KDM1B: variants seen among roughly 807,000 people sequenced by gnomAD.
KDM1B encodes lysine demethylase 1B, also known as lysine-specific histone demethylase 2.
KDM1B carries 63 observed loss-of-function variants against 107.4 expected under a neutral mutation model. The ratio of observed to expected loss-of-function variants is 0.59; its 90% CI spans 0.48 to 0.72. The LOEUF is 0.72. Among genes scored for constraint, KDM1B ranks in the 30% least tolerant of loss-of-function variants. KDM1B has a pLI of 0.00. For synonymous variants in KDM1B, 363 were observed against 363.9 expected (o/e 1.00, Z 0.03); for missense variants, 749 against 1,020.8 (o/e 0.73, Z 3.63).
In KDM1B at chr6:18,214,463, C is replaced by T. The variant is rs180824580; in HGVS notation, c.2110-544C>T. ...TTAATTAGTGAACAGCCAAGGGAACCTTAAAGTTGCTATTTACATTTCTTA... is the reference window on the plus strand; with the variant it reads ...TTAATTAGTGAACAGCCAAGGGAACTTTAAAGTTGCTATTTACATTTCTTA... On this transcript the variant is annotated intron_variant, in intron 19 of 21. Transcript: ENST00000650836. This position sits in a 1 kb window ranked among gnomAD's most constrained non-coding sequence, Gnocchi z 4.4. Among the ~76,000 whole-genome samples, 117 of 152,282 alleles carry T rather than the reference C, an allele frequency of 7.7e-4. 2 individuals carry two copies. Among genetic ancestry groups the T allele is most frequent in the Admixed American group, 5.2e-3 (79 of 15,292 alleles).
intron 3 of KDM1B, among the ~76,000 whole-genome samples, chr6:18,161,050 C>T (rs2150761380): frequency 6.6e-6 from 1 of 152,112 alleles, no homozygotes; most frequent in East Asian, 1.9e-4. Context: ...CCACCACACC[C>T]AGCTGATGTC....
Position 18,201,587 on chromosome 6 carries a change from TAA to T in KDM1B, c.1462_1463del (p.Asn488CysfsTer8). The T allele has an allele frequency of 6.4e-7, 1 of 1,550,602 alleles. No homozygotes were observed. Among genetic ancestry groups the T allele is most frequent in the Non-Finnish European group, 8.7e-7 (1 of 1,146,808 alleles). On this transcript the variant is annotated frameshift_variant, in exon 14 of 22. Coordinates refer to ENST00000650836, the MANE Select transcript of KDM1B (RefSeq NM_001364614.2). LOFTEE classifies it high-confidence loss of function. The surrounding 1 kb of genome is among the most constrained non-coding windows in gnomAD (Gnocchi z 4.3). ...TTGACAAGCGCATGGATTTTCATTT[TAA>T]TGCTCTCTTGGATGTTGTCTCTGAG... ...TIDKRMDFHFNALLDVVSEWR... is the reference protein window; with the variant it reads ...TIDKRMDFHFXALLDVVSEWR...
At chr6:18,221,768 T>TA in intron 21 of KDM1B, 141 bp from the exon 22 acceptor site, 1 of 673,844 alleles carries the variant, frequency 1.5e-6, no homozygotes, top group Non-Finnish European at 2.6e-6. Context: ...GTTCCAGTGT[T>TA]ACGATGGGTG....
intron 7 of KDM1B, among the ~76,000 whole-genome samples, chr6:18,182,168 CTTAG>C (rs926288902): frequency 1.3e-5 from 2 of 152,048 alleles, no homozygotes; most frequent in African/African-American, 2.4e-5. Context: ...CTCACCTCAC[CTTAG>C]TTAAAGCCTT....
chr6:18,220,896 T>C (rs1789661186), intron 21 of KDM1B, among the ~76,000 whole-genome samples: 1 of 151,840 alleles, frequency 6.6e-6, no homozygotes, highest in Non-Finnish European at 1.5e-5. Flanking sequence ...AGCTGGTGTG[T>C]GCCACTGTGC....
chr6:18,219,643 G>A (rs1038553903), intron 21 of KDM1B, among the ~76,000 whole-genome samples: 3 of 152,148 alleles, frequency 2.0e-5, no homozygotes, highest in African/African-American at 4.8e-5. Context: ...CAGTCTCAGA[G>A]TTCTTATTTT....
intron 21 of KDM1B, among the ~76,000 whole-genome samples, chr6:18,221,527 A>G (rs966309991): frequency 1.3e-5 from 2 of 152,062 alleles, no homozygotes; most frequent in Non-Finnish European, 2.9e-5. Flanking sequence ...TTTTTTACCC[A>G]TCTAGCAAAA....
intron 20 of KDM1B, among the ~76,000 whole-genome samples, chr6:18,215,658 G>A (rs1442835997): frequency 6.6e-6 from 1 of 152,086 alleles, no homozygotes; most frequent in Non-Finnish European, 1.5e-5. Flanking sequence ...GGGAGACACG[G>A]TTCTGCCTGT....
At chr6:18,216,898 A>G (rs73366536) in intron 20 of KDM1B, among the ~76,000 whole-genome samples, 3,787 of 152,316 alleles carry the variant, frequency 0.025, 157 homozygotes, top group African/African-American at 0.086. Flanking sequence ...GGTCCTATCC[A>G]TGGTTTCAGG....
rs1430632132 is a variant in KDM1B at position 18,213,590 on chromosome 6, C to CTT, written c.1984-65_1984-64dup. 6.3e-7 allele frequency: 1 copy of CTT among 1,576,662 alleles called. No homozygotes were observed. Among genetic ancestry groups the CTT allele is most frequent in the East Asian group, 2.2e-5 (1 of 44,556 alleles). ...TTTAGAGTAGAGCTACAGGTTGCTG[C>CTT]TTAGATATTGCCTGTGGTTTTGTGA... On this transcript the variant is annotated intron_variant, in intron 18 of 21. Coordinates refer to ENST00000650836, the MANE Select transcript of KDM1B (RefSeq NM_001364614.2). This position sits in a 1 kb window ranked among gnomAD's most constrained non-coding sequence, Gnocchi z 5.9.
chr6:18,220,352 C>G (rs1026349498), intron 21 of KDM1B, among the ~76,000 whole-genome samples: 2 of 152,136 alleles, frequency 1.3e-5, no homozygotes, highest in Admixed American at 1.3e-4. Flanking sequence ...AGTTTGAGAC[C>G]AGCCTGGCCA....
chr6:18,166,099 CT>C (rs1785278391), intron 5 of KDM1B, among the ~76,000 whole-genome samples, 167 bp from the exon 6 acceptor site: 3 of 152,282 alleles, frequency 2.0e-5, no homozygotes, highest in Admixed American at 2.0e-4. Context: ...GAATATACCC[CT>C]TCTGACAGCC....
At chr6:18,190,471 G>A (rs1413011824) in intron 9 of KDM1B, among the ~76,000 whole-genome samples, 3 of 150,722 alleles carry the variant, frequency 2.0e-5, no homozygotes, top group African/African-American at 4.9e-5. Context: ...GCATGGTGGC[G>A]GGCGCCTGTA....
intron 9 of KDM1B, among the ~76,000 whole-genome samples, 169 bp downstream of exon 9, chr6:18,188,171 G>C (rs983200376): frequency 3.3e-5 from 5 of 152,136 alleles, no homozygotes; most frequent in Admixed American, 2.0e-4. Flanking sequence ...GGTCCCTTGA[G>C]GCCAGGAGTT....
chr6:18,203,615 G>A lies in KDM1B; in HGVS notation c.1532-1922G>A, dbSNP rs1165716669. Among the ~76,000 whole-genome samples the A allele has an allele frequency of 2.6e-5, 4 of 152,162 alleles. No homozygotes were observed. The highest frequency in any genetic ancestry group is 2.0e-4 in the Admixed American group (3 of 15,276). ...CGCCTGTAATCTCAGCACTTTGGGA[G>A]GCCAAGGCGGGTGGATCACCTGAGT... On this transcript the variant is annotated intron_variant, in intron 14 of 21. Coordinates refer to ENST00000650836, the MANE Select transcript of KDM1B (RefSeq NM_001364614.2). This position sits in a 1 kb window ranked among gnomAD's most constrained non-coding sequence, Gnocchi z 5.5.
chr6:18,170,346 C>T (rs1785573735), intron 6 of KDM1B, among the ~76,000 whole-genome samples: 2 of 152,160 alleles, frequency 1.3e-5, no homozygotes, highest in Admixed American at 1.3e-4. Context: ...GTACTAATAA[C>T]TGTAGACTTT....
rs933646593 is a variant in KDM1B, at chr6:18,168,654, A to G, written c.417+2276A>G. On this transcript the variant is annotated intron_variant, in intron 6 of 21. Coordinates refer to ENST00000650836, the MANE Select transcript of KDM1B (RefSeq NM_001364614.2). ...ATATAATTGCTAGATCATATTTGGT[A>G]ATTATATGGGACCTCAAACTCTTTT... 2.0e-5 allele frequency among the ~76,000 whole-genome samples: 3 copies of G among 147,746 alleles called. No individual in the cohort carries two copies. The Admixed American group carries it at 2.0e-4, about 10-fold the overall frequency.
rs936796638 is a variant in KDM1B at position 18,200,040 on chromosome 6, G to A, written c.1222-399G>A. ...ATTACAGGTGCATGCCACCACACCC[G>A]ACTATGTATTTCTGGTAGAGACAGG... On this transcript the variant is annotated intron_variant, in intron 12 of 21. Coordinates refer to ENST00000650836, the MANE Select transcript of KDM1B (RefSeq NM_001364614.2). This position sits in a 1 kb window ranked among gnomAD's most constrained non-coding sequence, Gnocchi z 4.3. 2.0e-5 allele frequency among the ~76,000 whole-genome samples: 3 copies of A among 152,058 alleles called. No individual in the cohort carries two copies. The highest frequency in any genetic ancestry group is 4.8e-5 in the African/African-American group (2 of 41,400).
At chr6:18,166,852 T>G (rs1785329614) in intron 6 of KDM1B, among the ~76,000 whole-genome samples, 1 of 146,534 alleles carries the variant, frequency 6.8e-6, no homozygotes, top group Non-Finnish European at 1.5e-5. Context: ...AGAGGCTGTC[T>G]CAAAAAAAAA....
Sources: gnomAD v4.1 joint callset for allele counts (sites outside exome capture counted in the v4.1 genomes callset) on GRCh38, gnomAD v4.1.1 for gene constraint, Gnocchi (gnomAD v3.1) non-coding constraint, MANE v1.5 for transcripts, NCBI Gene and HGNC (gene_info 2026-07-23, HGNC 2026-07-21) for gene names.